The following PLEKHG1 variants were observed in gnomAD, a reference collection of about 807,000 sequenced individuals.
The protein encoded by PLEKHG1 is pleckstrin homology and RhoGEF domain containing G1, also known as pleckstrin homology domain-containing family G member 1.
Under a neutral mutation model 100.8 loss-of-function variants are expected in PLEKHG1, and 44 were observed. That is an observed-to-expected ratio of 0.44 (90% CI 0.34 to 0.56). The LOEUF is 0.56. Among genes scored for constraint, PLEKHG1 ranks in the 20% least tolerant of loss-of-function variants. The probability of loss-of-function intolerance (pLI) is 0.01; values close to 1 mark genes in which losing one functional copy is unlikely to be tolerated. For missense variants in PLEKHG1, 1,545 were observed against 1,720.9 expected, an observed-to-expected ratio of 0.90 and a Z score of 1.81; for synonymous variants, 640 against 662.5, an observed-to-expected ratio of 0.97 and a Z score of 0.52.
At chr6:150,630,858 C>T (rs1403155813) in intron 1 of PLEKHG1, among the ~76,000 whole-genome samples, 1 of 152,088 alleles carries the variant, frequency 6.6e-6, no homozygotes, top group Non-Finnish European at 1.5e-5. Context: ...GAAGGAGCTG[C>T]CAGCAAGGAA....
chr6:150,688,326 T>TA (rs1780217362), intron 3 of PLEKHG1, among the ~76,000 whole-genome samples: 3 of 149,016 alleles, frequency 2.0e-5, no homozygotes, highest in Admixed American at 6.7e-5. Context: ...TTTTTTTTTT[T>TA]ATTTTATTTT....
chr6:150,806,095 A>G (rs1288271011), intron 7 of PLEKHG1, among the ~76,000 whole-genome samples: 3 of 152,126 alleles, frequency 2.0e-5, no homozygotes, highest in East Asian at 1.9e-4. Flanking sequence ...CTCGGGAAAA[A>G]AGATACCTTA....
chr6:150,809,435 G>A lies in PLEKHG1; in HGVS notation c.1150G>A (p.Val384Ile), dbSNP rs775628646. Residue 384 changes from valine (V) to isoleucine (I), a missense_variant, in exon 9 of 16, where the codon GTC (valine) becomes ATC (isoleucine). Val to Ile is a conservative substitution (Grantham distance 29). Coordinates refer to ENST00000358517, the Ensembl canonical transcript of PLEKHG1. ...TCCAAAAGAGCCGCTCAGCTTCAGC[G>A]TCTTCCACTACAAGAATCCCAAGCT... 56 of 1,613,758 alleles carry A rather than the reference G, an allele frequency of 3.5e-5. No individual in the cohort carries two copies. The highest frequency in any genetic ancestry group is 4.5e-5 in the East Asian group (2 of 44,884).
chr6:150,818,090 T>A, intron 10 of PLEKHG1, 93 bp from the exon 12 acceptor site: 1 of 955,740 alleles, frequency 1.0e-6, no homozygotes, highest in South Asian at 1.4e-5. Flanking sequence ...TTTAAAAATC[T>A]ATTTATTCAG....
At chr6:150,652,441 G>A (rs1054508298) in intron 3 of PLEKHG1, among the ~76,000 whole-genome samples, 6 of 152,082 alleles carry the variant, frequency 3.9e-5, no homozygotes, top group East Asian at 1.9e-4. Flanking sequence ...TTATATTTTC[G>A]TCTGGGTGCA....
chr6:150,627,641 T>C (rs1250799470), intron 1 of PLEKHG1, among the ~76,000 whole-genome samples: 1 of 152,226 alleles, frequency 6.6e-6, no homozygotes, highest in Non-Finnish European at 1.5e-5. Flanking sequence ...AGCAGGAAGT[T>C]AAGAGAATGA....
At chr6:150,799,823 A>G (rs1786579652) in intron 5 of PLEKHG1, among the ~76,000 whole-genome samples, 1 of 152,176 alleles carries the variant, frequency 6.6e-6, no homozygotes, top group Admixed American at 6.5e-5. Flanking sequence ...AATGTCACTG[A>G]CTTAGGGAGA....
At chr6:150,781,333 C>T (rs1583116380) in intron 3 of PLEKHG1, among the ~76,000 whole-genome samples, 1 of 151,180 alleles carries the variant, frequency 6.6e-6, no homozygotes, top group African/African-American at 2.4e-5. Context: ...GGTGAAACCC[C>T]GTCTCTACTA....
chr6:150,810,322 T>C (rs1787417265), intron 10 of PLEKHG1, among the ~76,000 whole-genome samples: 1 of 147,314 alleles, frequency 6.8e-6, no homozygotes, highest in Non-Finnish European at 1.5e-5. Context: ...CAGGCTGGAG[T>C]GCAGTGGCGC....
intron 4 of PLEKHG1, among the ~76,000 whole-genome samples, chr6:150,792,135 A>G (rs1000548170): frequency 1.3e-5 from 2 of 152,128 alleles, no homozygotes; most frequent in Non-Finnish European, 2.9e-5. Context: ...GTTGTATTTT[A>G]TCCTTTAAAA....
chr6:150,668,255 C>T (rs1281715565), intron 3 of PLEKHG1, among the ~76,000 whole-genome samples: 4 of 152,182 alleles, frequency 2.6e-5, no homozygotes, highest in African/African-American at 9.6e-5. Context: ...ACAAAATTAT[C>T]ATGGGAGCCT....
intron 3 of PLEKHG1, among the ~76,000 whole-genome samples, chr6:150,669,562 G>A (rs1240015703): frequency 2.6e-5 from 4 of 151,216 alleles, no homozygotes; most frequent in African/African-American, 9.7e-5. Context: ...TAGTCCTTTC[G>A]GCATCATCCT....
At chr6:150,709,730 G>A (rs1178487727) in intron 3 of PLEKHG1, among the ~76,000 whole-genome samples, 2 of 152,182 alleles carry the variant, frequency 1.3e-5, no homozygotes, top group Admixed American at 1.3e-4. Flanking sequence ...TTCATGAGCC[G>A]TAGGTGATGG....
chr6:150,840,175 G>C, exon 16 of PLEKHG1: 1 of 1,614,212 alleles, frequency 6.2e-7, no homozygotes, highest in Non-Finnish European at 8.5e-7. Context: ...CAGAGATGCA[G>C]CGTGGTAGTA....
chr6:150,665,039 G>A (rs1441031889), intron 3 of PLEKHG1, among the ~76,000 whole-genome samples: 2 of 152,118 alleles, frequency 1.3e-5, no homozygotes, highest in East Asian at 1.9e-4. Flanking sequence ...GGTTGCAACC[G>A]GGAGAACAGG....
intron 13 of PLEKHG1, among the ~76,000 whole-genome samples, chr6:150,821,646 T>G (rs1776306915): frequency 6.6e-6 from 1 of 151,820 alleles, no homozygotes; most frequent in South Asian, 2.1e-4. Context: ...ATCACGCCAT[T>G]GCACTCCAGC....
At chr6:150,733,539 T>A in intron 1 of PLEKHG1, 45 bp from the exon 3 acceptor site, 2 of 1,490,302 alleles carry the variant, frequency 1.3e-6, no homozygotes, top group Non-Finnish European at 9.0e-7. Context: ...CTCTGCTTGA[T>A]AGAATTGCTT....
intron 6 of PLEKHG1, among the ~76,000 whole-genome samples, chr6:150,801,604 A>AT (rs549438172): frequency 6.6e-6 from 1 of 151,138 alleles, no homozygotes; most frequent in African/African-American, 2.4e-5. Context: ...TGCCTGGCTA[A>AT]TTTTTTTGTA....
chr6:150,831,472 A>G lies in PLEKHG1; in HGVS notation c.2361A>G (p.Gln787=). ...ACAGCCTGAGGCCATTTGTTTCCCA[A>G]GACAGCCTCCAGCTCAGTGAGGACG... Residue 787 remains glutamine (Q), a synonymous_variant, in exon 15 of 16, where the codon CAA becomes CAG. Transcript: ENST00000358517. This position sits in a 1 kb window ranked among gnomAD's most constrained non-coding sequence, Gnocchi z 4.1. The G allele has an allele frequency of 6.2e-7, 1 of 1,614,144 alleles. No homozygotes were observed. The highest frequency in any genetic ancestry group is 1.1e-5 in the South Asian group (1 of 91,084).
Sources: gnomAD v4.1 joint callset for allele counts (sites outside exome capture counted in the v4.1 genomes callset) on GRCh38, gnomAD v4.1.1 for gene constraint, Gnocchi (gnomAD v3.1) non-coding constraint, MANE v1.5 for transcripts, NCBI Gene and HGNC (gene_info 2026-07-23, HGNC 2026-07-21) for gene names.